MARCKS: variants seen among roughly 807,000 people sequenced by gnomAD.
MARCKS encodes the protein myristoylated alanine rich protein kinase C substrate, also known as myristoylated alanine-rich C-kinase substrate.
Under a neutral mutation model 6.3 loss-of-function variants are expected in MARCKS, and 4 were observed. The observed-to-expected ratio is 0.63, with a 90% CI of 0.31 to 1.45. MARCKS has a LOEUF of 1.45. Ranked by LOEUF, MARCKS falls within the 40% of genes most tolerant of loss-of-function variation. The probability of loss-of-function intolerance (pLI) is 0.07; values close to 1 mark genes in which losing one functional copy is unlikely to be tolerated. For missense variants in MARCKS, 636 were observed against 485.7 expected (o/e 1.31, Z -2.91); for synonymous variants, 289 against 236.5 (o/e 1.22, Z -2.04).
chr6:113,862,924 T>C lies in MARCKS; in HGVS notation c.*2345T>C, dbSNP rs1324236251. Reference sequence around the variant, plus strand: ...GAATTTGGTAACCAAAGGACTGATTTATGGGTCTTTCCTATCTTAACCAAC... The same window carrying C: ...GAATTTGGTAACCAAAGGACTGATTCATGGGTCTTTCCTATCTTAACCAAC... On this transcript the variant is annotated 3_prime_UTR_variant, in exon 2 of 2. Transcript: ENST00000612661. The C allele has an allele frequency of 6.6e-6, 1 of 152,174 alleles. No individual in the cohort carries two copies. Among genetic ancestry groups the C allele is most frequent in the Non-Finnish European group, 1.5e-5 (1 of 68,006 alleles). The allele number at this position is 152,174 out of a possible 1,614,324, so 9.4% of individuals were successfully genotyped here.
At position 113,861,627 on chromosome 6, in the gene MARCKS, G is replaced by A. The variant is rs1774902654; in HGVS notation, c.*1048G>A. 1 of 152,564 alleles carries A rather than the reference G, an allele frequency of 6.6e-6. No homozygotes were observed. Among genetic ancestry groups the A allele is most frequent in the South Asian group, 2.1e-4 (1 of 4,832 alleles). 9.5% of individuals were successfully genotyped at this position (152,564 alleles called of 1,614,324 possible). On this transcript the variant is annotated 3_prime_UTR_variant, in exon 2 of 2. Transcript: ENST00000612661. Reference sequence around the variant, plus strand: ...AGGAAAAAAAATCTTCAGATGCAATGGTTTTGTGTAGCATCTTGTCTATCA... The same window carrying A: ...AGGAAAAAAAATCTTCAGATGCAATAGTTTTGTGTAGCATCTTGTCTATCA...
intron 1 of MARCKS, among the ~76,000 whole-genome samples, chr6:113,859,150 G>T (rs1027129205): frequency 3.3e-5 from 5 of 152,294 alleles, no homozygotes; most frequent in Non-Finnish European, 5.9e-5. Context: ...CAGGAGCTCG[G>T]AGGGCCCCGC....
In MARCKS at chr6:113,862,326, T is replaced by C. The variant is rs1291250479; in HGVS notation, c.*1747T>C. The C allele has an allele frequency of 6.6e-6, 1 of 152,130 alleles. No homozygotes were observed. Among genetic ancestry groups the C allele is most frequent in the Non-Finnish European group, 1.5e-5 (1 of 67,962 alleles). 9.4% of individuals were successfully genotyped at this position (152,130 alleles called of 1,614,324 possible). A position where few individuals can be genotyped will look rare whatever the true frequency, so the allele number is the denominator to read the frequency against. On this transcript the variant is annotated 3_prime_UTR_variant, in exon 2 of 2. Coordinates refer to ENST00000612661, the MANE Select transcript of MARCKS (RefSeq NM_002356.7). ...ATTTCCAAATTATTGCATAATATGT[T>C]CTACCTTAAGAAAACAGGTTTATGT...
In MARCKS at chr6:113,862,487, C is replaced by T. The variant is rs1415403645; in HGVS notation, c.*1908C>T. On this transcript the variant is annotated 3_prime_UTR_variant, in exon 2 of 2. Transcript: ENST00000612661. ...AAGGATAAGACAGACAATAATACTT[C>T]ACTGAATCTTAATAATCTTTACTAG... 6.8e-6 allele frequency: 1 copy of T among 146,368 alleles called. No homozygotes were observed. Among genetic ancestry groups the T allele is most frequent in the African/African-American group, 2.5e-5 (1 of 39,374 alleles). 9.1% of individuals were successfully genotyped at this position (146,368 alleles called of 1,614,324 possible). A position where few individuals can be genotyped will look rare whatever the true frequency, so the allele number is the denominator to read the frequency against.
rs1464125740 is a variant in MARCKS at position 113,862,741 on chromosome 6, T to C, written c.*2162T>C. 1 of 152,020 alleles carries C rather than the reference T, an allele frequency of 6.6e-6. No homozygotes were observed. The highest frequency in any genetic ancestry group is 1.5e-5 in the Non-Finnish European group (1 of 67,962). The allele number at this position is 152,020 out of a possible 1,614,324, so 9.4% of individuals were successfully genotyped here. A position where few individuals can be genotyped will look rare whatever the true frequency, so the allele number is the denominator to read the frequency against. On this transcript the variant is annotated 3_prime_UTR_variant, in exon 2 of 2. Coordinates refer to ENST00000612661, the MANE Select transcript of MARCKS (RefSeq NM_002356.7). The stretch of plus-strand genomic sequence containing the variant: ...CTCATTAGAAAAATAACAAATTAGG[T>C]TTTGACACGCATTCTTAATTGGAAT...
intron 1 of MARCKS, 36 bp from the exon 2 acceptor site, chr6:113,859,647 C>T: frequency 6.9e-7 from 1 of 1,450,462 alleles, no homozygotes; most frequent in East Asian, 3.0e-5. Flanking sequence ...GCGCCCCGGC[C>T]GCTTCAGTGA....
intron 1 of MARCKS, among the ~76,000 whole-genome samples, chr6:113,858,406 T>C (rs1198311588): frequency 6.6e-6 from 1 of 152,160 alleles, no homozygotes; most frequent in Non-Finnish European, 1.5e-5. Flanking sequence ...GACAGAGGGC[T>C]TCGGTACCTT....
Position 113,857,941 on chromosome 6 carries a change from G to A in MARCKS, c.102+94G>A, listed in dbSNP as rs1774813713. The A allele has an allele frequency of 2.8e-6, 3 of 1,063,970 alleles. No individual in the cohort carries two copies. In the South Asian group the frequency reaches 4.1e-5, roughly 14 times the overall value. The allele number at this position is 1,063,970 out of a possible 1,614,324, so 65.9% of individuals were successfully genotyped here. ...AGGCTCATTCGTGGAGAGGAGTGTG[G>A]CTGGATTCTAGTCTGAAAGTTGAAT... On this transcript the variant is annotated intron_variant, in intron 1 of 1. Coordinates refer to ENST00000612661, the MANE Select transcript of MARCKS (RefSeq NM_002356.7).
rs569959697 is a variant in MARCKS at position 113,861,907 on chromosome 6, G to A, written c.*1328G>A. On this transcript the variant is annotated 3_prime_UTR_variant, in exon 2 of 2. Transcript: ENST00000612661. ...GCCATCAGGAGTAAATTTTATTGTG[G>A]TTCTTAATCTGAAGTTTTCAAGCTC... 3 of 152,404 alleles carry A rather than the reference G, an allele frequency of 2.0e-5. No homozygotes were observed. The highest frequency in any genetic ancestry group is 4.4e-5 in the Non-Finnish European group (3 of 67,966). The allele number at this position is 152,404 out of a possible 1,614,324, so 9.4% of individuals were successfully genotyped here.
chr6:113,862,944 A>AC lies in MARCKS; in HGVS notation c.*2367dup, dbSNP rs1438653144. The stretch of plus-strand genomic sequence containing the variant: ...TGATTTATGGGTCTTTCCTATCTTA[A>AC]CCAACGTTTTCTTAGTTACCTAGAT... On this transcript the variant is annotated 3_prime_UTR_variant, in exon 2 of 2. Transcript: ENST00000612661. The AC allele has an allele frequency of 6.6e-6, 1 of 152,164 alleles. No homozygotes were observed. Among genetic ancestry groups the AC allele is most frequent in the African/African-American group, 2.4e-5 (1 of 41,444 alleles). The allele number at this position is 152,164 out of a possible 1,614,324, so 9.4% of individuals were successfully genotyped here.
At chr6:113,859,046 G>A (rs951396896) in intron 1 of MARCKS, among the ~76,000 whole-genome samples, 1 of 152,044 alleles carries the variant, frequency 6.6e-6, no homozygotes, top group African/African-American at 2.4e-5. Flanking sequence ...GGGCGGGGTG[G>A]CCCGGCGACT....
At position 113,860,267 on chromosome 6, in the gene MARCKS, G is replaced by A. The variant is rs1249787285; in HGVS notation, c.687G>A (p.Ala229=). The A allele has an allele frequency of 3.4e-6, 4 of 1,178,488 alleles. No homozygotes were observed. Among genetic ancestry groups the A allele is most frequent in the South Asian group, 1.8e-5 (1 of 56,790 alleles). 73.0% of individuals were successfully genotyped at this position (1,178,488 alleles called of 1,614,324 possible). ...AGGCGGCAGCGGGCGAGGAGGGGGC[G>A]GCGGGTGGCGACCCGCAGGAGGCCA... ...GEEAAAGEEG[A]AGGDPQEAKP... The change falls in exon 2 of 2, where the codon GCG becomes GCA. Residue 229 remains alanine (A), a synonymous_variant. Coordinates refer to ENST00000612661, the MANE Select transcript of MARCKS (RefSeq NM_002356.7).
chr6:113,857,522 C>T lies in MARCKS; in HGVS notation c.-224C>T. 1 of 535,698 alleles carries T rather than the reference C, an allele frequency of 1.9e-6. No homozygotes were observed. The highest frequency in any genetic ancestry group is 3.3e-6 in the Non-Finnish European group (1 of 303,172). The allele number at this position is 535,698 out of a possible 1,614,324, so 33.2% of individuals were successfully genotyped here. A position where few individuals can be genotyped will look rare whatever the true frequency, so the allele number is the denominator to read the frequency against. On this transcript the variant is annotated 5_prime_UTR_variant, in exon 1 of 2. Transcript: ENST00000612661. ...CCACCCTTTTTCCCTCCCTCCTGTG[C>T]TGCTGCTTTTTGATCTCTTCGACTA...
Position 113,860,507 on chromosome 6 carries a change from C to G in MARCKS, c.927C>G (p.Ala309=), listed in dbSNP as rs1562118205. The change falls in exon 2 of 2, where the codon GCC becomes GCG. Residue 309 remains alanine (A), a synonymous_variant. Transcript: ENST00000612661. ...CCGCGGCCGCCGCAGCCTCGTCAGC[C>G]TGCGCAGCCCCCTCACAGGAGGCCC... is the stretch of plus-strand genomic sequence containing the variant. ...EEPAAAAASS[A]CAAPSQEAQP... 1 of 1,536,226 alleles carries G rather than the reference C, an allele frequency of 6.5e-7. No homozygotes were observed. Among genetic ancestry groups the G allele is most frequent in the Admixed American group, 2.1e-5 (1 of 48,312 alleles).
rs1774807686 is a variant in MARCKS, at chr6:113,857,656, G to A, written c.-90G>A. 2.3e-6 allele frequency: 2 copies of A among 864,472 alleles called. No individual in the cohort carries two copies. The highest frequency in any genetic ancestry group is 2.8e-5 in the Admixed American group (1 of 35,714). The allele number at this position is 864,472 out of a possible 1,614,324, so 53.6% of individuals were successfully genotyped here. ...CGCTGCCGCTGTTGCCGCCGCCGCT[G>A]CTGCTGCTGCTCGCCCCGTCGTTAC... On this transcript the variant is annotated 5_prime_UTR_variant, in exon 1 of 2. Coordinates refer to ENST00000612661, the MANE Select transcript of MARCKS (RefSeq NM_002356.7).
Position 113,860,068 on chromosome 6 carries a change from C to A in MARCKS, c.488C>A (p.Ser163Tyr). 6.3e-7 allele frequency: 1 copy of A among 1,577,010 alleles called. No homozygotes were observed. Among genetic ancestry groups the A allele is most frequent in the Non-Finnish European group, 8.6e-7 (1 of 1,162,668 alleles). Residue 163 changes from serine to tyrosine, a missense_variant, in exon 2 of 2, where the codon TCT (serine) becomes TAT (tyrosine). By Grantham distance (144) the Ser-to-Tyr change is moderately radical. Transcript: ENST00000612661. ...KKKKRFSFKK[S>Y]FKLSGFSFKK... ...AAGAAGCGCTTTTCCTTCAAGAAGT[C>A]TTTCAAGCTGAGCGGCTTCTCCTTC...
At chr6:113,859,594 G>C in intron 1 of MARCKS, 89 bp from the exon 2 acceptor site, 1 of 1,195,244 alleles carries the variant, frequency 8.4e-7, no homozygotes, top group Non-Finnish European at 1.1e-6. Flanking sequence ...GCCTTAGGGG[G>C]AAGCGGGGCA....
chr6:113,860,542 GCA>G lies in MARCKS; in HGVS notation c.963_964del (p.Cys321TrpfsTer20). 6.4e-7 allele frequency: 1 copy of G among 1,561,968 alleles called. No homozygotes were observed. Among genetic ancestry groups the G allele is most frequent in the Non-Finnish European group, 8.6e-7 (1 of 1,158,246 alleles). Reference sequence around the variant, plus strand: ...CCCTCACAGGAGGCCCAGCCCGAGTGCAGTCCAGAAGCCCCCCCAGCGGAGGC... The same window carrying G: ...CCCTCACAGGAGGCCCAGCCCGAGTGGTCCAGAAGCCCCCCCAGCGGAGGC... On this transcript the variant is annotated frameshift_variant, in exon 2 of 2. Transcript: ENST00000612661. LOFTEE classifies it high-confidence loss of function.
In MARCKS at chr6:113,859,902, C is replaced by CCCGCGGAAGGCGAGGCTG. The variant is rs1371245803; in HGVS notation, c.326_343dup (p.Ala109_Ala114dup). ...GGCCAGCCCGGTAGAGAAGGAGGCCCCCGCGGAAGGCGAGGCTGCCGAGCC... is the reference window on the plus strand; with the variant it reads ...GGCCAGCCCGGTAGAGAAGGAGGCCCCCGCGGAAGGCGAGGCTGCCGCGGAAGGCGAGGCTGCCGAGCC... On this transcript the variant is annotated inframe_insertion, in exon 2 of 2. Transcript: ENST00000612661. 4.8e-6 allele frequency: 7 copies of CCCGCGGAAGGCGAGGCTG among 1,446,324 alleles called. No individual in the cohort carries two copies. The African/African-American group carries it at 7.5e-5, about 15-fold the overall frequency. 89.6% of individuals were successfully genotyped at this position (1,446,324 alleles called of 1,614,324 possible).
Sources: gnomAD v4.1 joint callset for allele counts (sites outside exome capture counted in the v4.1 genomes callset) on GRCh38, gnomAD v4.1.1 for gene constraint, MANE v1.5 for transcripts, NCBI Gene and HGNC (gene_info 2026-07-23, HGNC 2026-07-21) for gene names.